FBXW10B: variants seen among roughly 807,000 people sequenced by gnomAD.
The protein encoded by FBXW10B is F-box and WD repeat domain containing 10B.
the FBXW10B span, chr17:15,615,541 C>T: frequency 1.9e-6 from 3 of 1,538,780 alleles, no homozygotes; most frequent in African/African-American, 1.4e-5. Context: ...TCTCGATCTC[C>T]TGACCTCATG....
the FBXW10B span, among the ~76,000 whole-genome samples, chr17:15,600,188 C>G: frequency 2.4e-3 from 368 of 150,554 alleles, 1 homozygote; most frequent in African/African-American, 8.7e-3. Flanking sequence ...TGCACTCCAG[C>G]CTGGGTGACA....
the FBXW10B span, among the ~76,000 whole-genome samples, chr17:15,606,964 C>T: frequency 6.6e-6 from 1 of 152,162 alleles, no homozygotes; most frequent in African/African-American, 2.4e-5. Flanking sequence ...CAGAAAGTTG[C>T]TTATTAAAGG....
At chr17:15,583,898 T>C in the FBXW10B span, among the ~76,000 whole-genome samples, 4 of 152,248 alleles carry the variant, frequency 2.6e-5, no homozygotes, top group African/African-American at 7.2e-5. Flanking sequence ...TTTTAATCTA[T>C]TGGCAAATTT....
the FBXW10B span, among the ~76,000 whole-genome samples, chr17:15,570,956 G>GT: frequency 6.6e-6 from 1 of 152,216 alleles, no homozygotes; most frequent in South Asian, 2.1e-4. Flanking sequence ...AAGCCACAGA[G>GT]TAGGAGATAA....
chr17:15,574,230 T>C, the FBXW10B span: 1 of 677,754 alleles, frequency 1.5e-6, no homozygotes, highest in Non-Finnish European at 2.6e-6. Context: ...CAACTCCATG[T>C]GTCTGAGGTA....
chr17:15,568,069 GA>G, the FBXW10B span, among the ~76,000 whole-genome samples: 1 of 152,146 alleles, frequency 6.6e-6, no homozygotes, highest in Admixed American at 6.5e-5. Flanking sequence ...ATCATCATCG[GA>G]ACACTTTTGT....
the FBXW10B span, among the ~76,000 whole-genome samples, chr17:15,582,154 C>T: frequency 3.4e-5 from 5 of 145,712 alleles, no homozygotes; most frequent in African/African-American, 5.1e-5. Flanking sequence ...TGGGAAGAGC[C>T]GATGGTTTTT....
At chr17:15,616,679 G>A in the FBXW10B span, among the ~76,000 whole-genome samples, 1 of 151,710 alleles carries the variant, frequency 6.6e-6, no homozygotes, top group Non-Finnish European at 1.5e-5. Context: ...GGTGGTGGCA[G>A]GCACCTGTAG....
the FBXW10B span, among the ~76,000 whole-genome samples, chr17:15,593,710 C>T: frequency 6.6e-6 from 1 of 150,980 alleles, no homozygotes; most frequent in Non-Finnish European, 1.5e-5. Flanking sequence ...CTCACTGCAA[C>T]CTGCACCTAC....
chr17:15,579,013 A>C, the FBXW10B span, among the ~76,000 whole-genome samples: 1 of 152,002 alleles, frequency 6.6e-6, no homozygotes, highest in African/African-American at 2.4e-5. Context: ...AAAAATTATT[A>C]ATATAATACC....
the FBXW10B span, among the ~76,000 whole-genome samples, chr17:15,602,066 C>T: frequency 2.0e-5 from 3 of 150,130 alleles, no homozygotes; most frequent in African/African-American, 2.5e-5. Flanking sequence ...GAGCTGAGAT[C>T]GCACCACTGC....
At chr17:15,608,305 G>A in the FBXW10B span, among the ~76,000 whole-genome samples, 5 of 145,946 alleles carry the variant, frequency 3.4e-5, no homozygotes, top group South Asian at 1.2e-3. Context: ...GGGACTACAA[G>A]CGTGCACCAC....
the FBXW10B span, among the ~76,000 whole-genome samples, chr17:15,579,864 T>G: frequency 6.6e-6 from 1 of 152,112 alleles, no homozygotes; most frequent in Admixed American, 6.5e-5. Context: ...AATTATACTT[T>G]CGTAGAGCTA....
the FBXW10B span, chr17:15,574,073 T>C: frequency 2.8e-6 from 2 of 702,000 alleles, no homozygotes; most frequent in Non-Finnish European, 5.1e-6. Flanking sequence ...TCTCGTCTTC[T>C]TCATCTGGTT....
At chr17:15,615,441 T>C in the FBXW10B span, among the ~76,000 whole-genome samples, 12 of 149,442 alleles carry the variant, frequency 8.0e-5, no homozygotes, top group Middle Eastern at 6.9e-3. Flanking sequence ...GCTGCCTCAG[T>C]AGCTGGGACT....
chr17:15,587,481 C>G, the FBXW10B span, among the ~76,000 whole-genome samples: 3 of 151,524 alleles, frequency 2.0e-5, no homozygotes, highest in African/African-American at 7.3e-5. Flanking sequence ...TCAGTGCTGG[C>G]CCCTATAGCA....
At chr17:15,614,025 A>G in the FBXW10B span, 1 of 1,609,882 alleles carries the variant, frequency 6.2e-7, no homozygotes, top group Non-Finnish European at 8.5e-7. Context: ...GAATTCCTCC[A>G]TGGTTCCTCT....
chr17:15,599,161 G>A, the FBXW10B span, among the ~76,000 whole-genome samples: 6 of 128,278 alleles, frequency 4.7e-5, no homozygotes, highest in African/African-American at 1.3e-4. Context: ...CCAATAGAGC[G>A]AGACTCTGTC....
At chr17:15,579,502 C>G in the FBXW10B span, among the ~76,000 whole-genome samples, 3 of 152,102 alleles carry the variant, frequency 2.0e-5, no homozygotes, top group Non-Finnish European at 4.4e-5. Context: ...GGGATTTACA[C>G]GGGAAATTAA....
Sources: gnomAD v4.1 joint callset for allele counts (sites outside exome capture counted in the v4.1 genomes callset) on GRCh38, gnomAD v4.1.1 for gene constraint, MANE v1.5 for transcripts, NCBI Gene and HGNC (gene_info 2026-07-23, HGNC 2026-07-21) for gene names.